The following GPC5 variants were observed in gnomAD, a reference collection of about 807,000 sequenced individuals.
GPC5 encodes the protein glypican 5.
In GPC5, 47 loss-of-function variants were observed where a neutral mutation model predicts 53.9. That is an observed-to-expected ratio of 0.87 (90% CI 0.69 to 1.11). The LOEUF is 1.11. Ranked by LOEUF, GPC5 falls within the 50% of genes most tolerant of loss-of-function variation. GPC5 has a pLI of 0.00. For synonymous variants in GPC5, 286 were observed against 263.3 expected, an observed-to-expected ratio of 1.09 and a Z score of -0.84; for missense variants, 748 against 713.1, an observed-to-expected ratio of 1.05 and a Z score of -0.56.
At chr13:92,749,988 G>A (rs1176693638) in intron 7 of GPC5, among the ~76,000 whole-genome samples, 2 of 152,182 alleles carry the variant, frequency 1.3e-5, no homozygotes, top group Non-Finnish European at 2.9e-5. Context: ...ACTGAGCTAT[G>A]CAGCTTGATA....
intron 6 of GPC5, among the ~76,000 whole-genome samples, chr13:92,122,916 T>C (rs1453171342): frequency 6.6e-6 from 1 of 152,146 alleles, no homozygotes; most frequent in Non-Finnish European, 1.5e-5. Context: ...AATCATTTGC[T>C]TACTATTTTT....
chr13:92,283,567 T>A (rs971857072), intron 7 of GPC5, among the ~76,000 whole-genome samples: 1 of 152,156 alleles, frequency 6.6e-6, no homozygotes, highest in Non-Finnish European at 1.5e-5. Context: ...GCAATCAGAC[T>A]AGAACTCAGG....
chr13:91,987,236 G>A (rs968846331), intron 6 of GPC5, among the ~76,000 whole-genome samples: 3 of 152,186 alleles, frequency 2.0e-5, no homozygotes, highest in Admixed American at 1.3e-4. Context: ...CAATGCTGCA[G>A]GCACCCACGG....
chr13:92,021,946 G>A (rs989643770), intron 6 of GPC5, among the ~76,000 whole-genome samples: 2 of 151,994 alleles, frequency 1.3e-5, no homozygotes, highest in Admixed American at 1.3e-4. Context: ...CTATAGTGAG[G>A]AACATTGATT....
intron 5 of GPC5, among the ~76,000 whole-genome samples, chr13:91,777,998 G>A (rs1260519660): frequency 1.3e-5 from 2 of 151,944 alleles, no homozygotes; most frequent in African/African-American, 4.8e-5. Flanking sequence ...CAGCACTTCC[G>A]GAAGCTCACC....
intron 7 of GPC5, among the ~76,000 whole-genome samples, chr13:92,639,347 A>G (rs1885514284): frequency 6.6e-6 from 1 of 152,210 alleles, no homozygotes; most frequent in Non-Finnish European, 1.5e-5. Context: ...CCTTTGTTCC[A>G]TTCCAGCTAA....
At chr13:92,474,115 T>C (rs1879009399) in intron 7 of GPC5, among the ~76,000 whole-genome samples, 1 of 151,314 alleles carries the variant, frequency 6.6e-6, no homozygotes, top group South Asian at 2.1e-4. Flanking sequence ...TTCTAGGATA[T>C]GTGTTGCTTT....
intron 2 of GPC5, among the ~76,000 whole-genome samples, chr13:91,530,380 CA>C (rs1566480273): frequency 6.6e-6 from 1 of 152,178 alleles, no homozygotes; most frequent in African/African-American, 2.4e-5. Flanking sequence ...CCATGACCAG[CA>C]GATGCTATAA....
chr13:92,318,808 T>G (rs1299551413), intron 7 of GPC5, among the ~76,000 whole-genome samples: 1 of 152,158 alleles, frequency 6.6e-6, no homozygotes, highest in Non-Finnish European at 1.5e-5. Context: ...CATTCCTATA[T>G]GAGTCCCCAC....
intron 1 of GPC5, among the ~76,000 whole-genome samples, chr13:91,428,509 C>A (rs765043798): frequency 6.6e-6 from 1 of 152,126 alleles, no homozygotes; most frequent in Non-Finnish European, 1.5e-5. Context: ...GCTGCGTGCA[C>A]CAAATGAAAA....
chr13:92,296,290 A>G (rs1052367520), intron 7 of GPC5, among the ~76,000 whole-genome samples: 1 of 151,734 alleles, frequency 6.6e-6, no homozygotes, highest in African/African-American at 2.4e-5. Context: ...CTGTGGTAGT[A>G]TGGGGAGGAA....
At chr13:92,104,726 A>C (rs2041494401) in intron 6 of GPC5, among the ~76,000 whole-genome samples, 1 of 152,184 alleles carries the variant, frequency 6.6e-6, no homozygotes. Flanking sequence ...TGAGTTACTT[A>C]TAGATCTTTG....
chr13:92,432,417 T>G (rs1178213332), intron 7 of GPC5, among the ~76,000 whole-genome samples: 1 of 144,572 alleles, frequency 6.9e-6, no homozygotes, highest in Non-Finnish European at 1.5e-5. Context: ...CAGGCTGGAA[T>G]GCAGGCTCAC....
At chr13:92,253,792 G>A (rs2042708241) in intron 7 of GPC5, among the ~76,000 whole-genome samples, 1 of 151,936 alleles carries the variant, frequency 6.6e-6, no homozygotes, top group South Asian at 2.1e-4. Context: ...AAAAAAAGAA[G>A]GAAAATATTT....
chr13:92,130,291 A>AT (rs1455195795), intron 6 of GPC5, among the ~76,000 whole-genome samples: 1 of 152,050 alleles, frequency 6.6e-6, no homozygotes, highest in African/African-American at 2.4e-5. Flanking sequence ...CTAAGAAAAA[A>AT]TTATCCCAGC....
chr13:92,338,712 A>C (rs551103299), intron 7 of GPC5, among the ~76,000 whole-genome samples: 1 of 152,206 alleles, frequency 6.6e-6, no homozygotes, highest in Admixed American at 6.5e-5. Flanking sequence ...AGTAAAAAAC[A>C]ATCAGTGGTT....
intron 7 of GPC5, among the ~76,000 whole-genome samples, chr13:92,654,916 C>G (rs561157656): frequency 2.0e-5 from 3 of 152,160 alleles, no homozygotes; most frequent in Non-Finnish European, 2.9e-5. Context: ...GACTGATGTT[C>G]TTATAAGAAG....
At chr13:92,860,695 A>C (rs1879153088) in intron 7 of GPC5, among the ~76,000 whole-genome samples, 4 of 152,124 alleles carry the variant, frequency 2.6e-5, no homozygotes, top group Admixed American at 1.3e-4. Context: ...GATTCGTAGC[A>C]ATTTTATTCA....
intron 6 of GPC5, among the ~76,000 whole-genome samples, chr13:91,937,033 A>G (rs1181184362): frequency 6.6e-6 from 1 of 152,118 alleles, no homozygotes; most frequent in Non-Finnish European, 1.5e-5. Context: ...ATCTGAATGC[A>G]TTCTGGCTTA....
Sources: gnomAD v4.1 joint callset for allele counts (sites outside exome capture counted in the v4.1 genomes callset) on GRCh38, gnomAD v4.1.1 for gene constraint, MANE v1.5 for transcripts, NCBI Gene and HGNC (gene_info 2026-07-23, HGNC 2026-07-21) for gene names.